MTOR: variants seen among roughly 807,000 people sequenced by gnomAD.
The protein encoded by MTOR is serine/threonine-protein kinase mTOR.
A neutral mutation model predicts 319.8 loss-of-function variants in MTOR; 70 were observed. That is an observed-to-expected ratio of 0.22 (90% CI 0.18 to 0.27). The LOEUF (loss-of-function observed/expected upper bound fraction) is 0.27. Ranked by LOEUF, MTOR falls within the 10% of genes least tolerant of loss-of-function variation. The probability of loss-of-function intolerance (pLI) is 1.00; values close to 1 mark genes in which losing one functional copy is unlikely to be tolerated. For missense variants in MTOR, 1,890 were observed against 3,274.4 expected (o/e 0.58, Z 10.32); for synonymous variants, 1,183 against 1,211.4 (o/e 0.98, Z 0.49).
chr1:11,240,787 G>C (rs1322837686), intron 10 of MTOR, among the ~76,000 whole-genome samples: 1 of 152,202 alleles, frequency 6.6e-6, no homozygotes, highest in Non-Finnish European at 1.5e-5. Context: ...AGCCACTACA[G>C]AAGACCAAGT....
intron 11 of MTOR, among the ~76,000 whole-genome samples, chr1:11,239,303 A>G (rs929896880): frequency 1.3e-5 from 2 of 152,198 alleles, no homozygotes; most frequent in Admixed American, 1.3e-4. Flanking sequence ...TCCCGGATTT[A>G]AATACCAGAC....
At chr1:11,172,557 C>CAA (rs767483973) in intron 28 of MTOR, among the ~76,000 whole-genome samples, 1,811 of 56,210 alleles carry the variant, frequency 0.032, 49 homozygotes, top group Admixed American at 0.074. Context: ...GACTCTGTCT[C>CAA]AAAAAAAAAA....
chr1:11,162,127 C>T (rs1029518865), intron 29 of MTOR, among the ~76,000 whole-genome samples: 5 of 152,188 alleles, frequency 3.3e-5, no homozygotes, highest in African/African-American at 7.2e-5. Flanking sequence ...ATGAGAACTA[C>T]GTGATGCATG....
At chr1:11,150,359 G>T in intron 30 of MTOR, 133 bp from the exon 31 acceptor site, 2 of 661,266 alleles carry the variant, frequency 3.0e-6, no homozygotes, top group Non-Finnish European at 5.1e-6. Flanking sequence ...CATTCTACTA[G>T]GTCACATAAT....
intron 6 of MTOR, among the ~76,000 whole-genome samples, chr1:11,252,914 T>A (rs1483124532): frequency 6.6e-6 from 1 of 152,134 alleles, no homozygotes; most frequent in African/African-American, 2.4e-5. Flanking sequence ...AACCTCCAAC[T>A]ACAAGGCGCA....
At chr1:11,139,986 G>A (rs763546739) in intron 34 of MTOR, among the ~76,000 whole-genome samples, 13 of 151,686 alleles carry the variant, frequency 8.6e-5, no homozygotes, top group Non-Finnish European at 1.6e-4. Flanking sequence ...CAGCACGCCC[G>A]GCCTTTTCTT....
intron 28 of MTOR, among the ~76,000 whole-genome samples, chr1:11,183,684 C>T (rs1268838210): frequency 6.6e-6 from 1 of 152,150 alleles, no homozygotes; most frequent in Non-Finnish European, 1.5e-5. Flanking sequence ...CACTTAATCT[C>T]CTACGTTATC....
Position 11,212,894 on chromosome 1 carries a change from G to T in MTOR, c.3300C>A (p.Ile1100=). The stretch of plus-strand genomic sequence containing the variant: ...CATCCAGGTTGGCGCCAAACAGCTG[G>T]ATTGCAGCCAGTAACTGCAAAAGGG... ...RIVSIKLLAA[I]QLFGANLDDY... is the part of the protein sequence containing the mutation. The change falls in exon 22 of 58, where the codon ATC becomes ATA. Residue 1100 remains isoleucine, a synonymous_variant. Coordinates refer to ENST00000361445, the MANE Select transcript of MTOR (RefSeq NM_004958.4). The surrounding 1 kb of genome is among the most constrained non-coding windows in gnomAD (Gnocchi z 4.1). The T allele has an allele frequency of 1.2e-6, 2 of 1,614,022 alleles. No individual in the cohort carries two copies. The highest frequency in any genetic ancestry group is 1.7e-6 in the Non-Finnish European group (2 of 1,179,944).
intron 38 of MTOR, chr1:11,132,797 G>A: frequency 6.1e-6 from 2 of 327,698 alleles, no homozygotes; most frequent in Non-Finnish European, 1.1e-5. Context: ...ATGCTCCCAG[G>A]AAAACAAGCA....
At chr1:11,238,686 T>C in intron 11 of MTOR, 69 bp from the exon 12 acceptor site, 3 of 1,390,064 alleles carry the variant, frequency 2.2e-6, no homozygotes, top group Non-Finnish European at 2.9e-6. Context: ...TGCAGCTTGC[T>C]AGCTGAATTT....
chr1:11,185,390 A>T (rs1645283432), intron 28 of MTOR, among the ~76,000 whole-genome samples: 2 of 150,236 alleles, frequency 1.3e-5, no homozygotes, highest in Admixed American at 6.6e-5. Flanking sequence ...AGCCCTGGCA[A>T]CACAGTGAGA....
At chr1:11,112,018 G>T (rs1641912385) in intron 54 of MTOR, among the ~76,000 whole-genome samples, 1 of 152,144 alleles carries the variant, frequency 6.6e-6, no homozygotes, top group Admixed American at 6.6e-5. Flanking sequence ...AATGCTGTGT[G>T]TGCTGGAAAC....
At chr1:11,145,067 G>A (rs371409681) in intron 32 of MTOR, 22 bp from the exon 33 acceptor site, 140 of 1,611,108 alleles carry the variant, frequency 8.7e-5, no homozygotes, top group Non-Finnish European at 1.2e-4. Flanking sequence ...ACAACCCTTG[G>A]GACTGAGCTC....
intron 52 of MTOR, 90 bp from the exon 53 acceptor site, chr1:11,114,543 C>A (rs1642062665): frequency 6.5e-7 from 1 of 1,547,540 alleles, no homozygotes; most frequent in Non-Finnish European, 8.8e-7. Flanking sequence ...ACTTAGGAAG[C>A]AGACACAGGC....
chr1:11,142,463 A>T (rs1436541530), intron 34 of MTOR, among the ~76,000 whole-genome samples: 1 of 150,820 alleles, frequency 6.6e-6, no homozygotes, highest in Non-Finnish European at 1.5e-5. Context: ...TAATTTTTGT[A>T]TTTTTTTCTT....
intron 25 of MTOR, among the ~76,000 whole-genome samples, chr1:11,206,370 G>A (rs948109377): frequency 4.6e-5 from 7 of 152,218 alleles, no homozygotes; most frequent in African/African-American, 1.7e-4. Context: ...AGTGGGCTCT[G>A]GAGTCATGCT....
chr1:11,113,470 C>T (rs974458074), intron 53 of MTOR, among the ~76,000 whole-genome samples: 1 of 152,078 alleles, frequency 6.6e-6, no homozygotes, highest in Non-Finnish European at 1.5e-5. Flanking sequence ...GCAATGTATC[C>T]CAGGCTGCAG....
intron 19 of MTOR, among the ~76,000 whole-genome samples, chr1:11,225,517 A>G (rs4845984): frequency 0.64 from 97,392 of 151,278 alleles, 33,662 homozygotes; most frequent in East Asian, 0.91. Context: ...CACCTCCCAG[A>G]TTCAAGCGAT....
chr1:11,125,137 C>CGGTTCTAGCT (rs1333051063), intron 46 of MTOR, among the ~76,000 whole-genome samples: 4 of 152,156 alleles, frequency 2.6e-5, no homozygotes, highest in Non-Finnish European at 5.9e-5. Flanking sequence ...GGCATGGTGA[C>CGGTTCTAGCT]GGTTCTAGCT....
Sources: gnomAD v4.1 joint callset for allele counts (sites outside exome capture counted in the v4.1 genomes callset) on GRCh38, gnomAD v4.1.1 for gene constraint, Gnocchi (gnomAD v3.1) non-coding constraint, MANE v1.5 for transcripts, NCBI Gene and HGNC (gene_info 2026-07-23, HGNC 2026-07-21) for gene names.